The following TBX22 variants were observed in gnomAD, a reference collection of about 807,000 sequenced individuals.
The protein encoded by TBX22 is T-box transcription factor 22.
A neutral mutation model predicts 30.1 loss-of-function variants in TBX22; 8 were observed. The ratio of observed to expected loss-of-function variants is 0.27; its 90% confidence interval spans 0.16 to 0.48. The LOEUF (loss-of-function observed/expected upper bound fraction) is 0.48, where lower values mean the gene tolerates loss of function less well. Ranked by LOEUF, TBX22 falls within the 20% of genes least tolerant of loss-of-function variation. The pLI, the probability that TBX22 is intolerant of heterozygous loss-of-function variation, is 0.99. For missense variants in TBX22, 463 were observed against 400.5 expected (o/e 1.16, Z -1.33); for synonymous variants, 173 against 149.1 (o/e 1.16, Z -1.17).
rs914460249 is a variant in TBX22, at chrX:80,015,561, ATTGTT to A, written c.-3+677_-3+681del. On this transcript the variant is annotated intron_variant, in intron 1 of 8. Transcript: ENST00000373296. ...GGAACATCAAAGTGTGCCAAAAAAG[ATTGTT>A]TTATTTTACTTATTCCTGATTTTTC... is the stretch of plus-strand genomic sequence containing the variant. Among the ~76,000 whole-genome samples the A allele has an allele frequency of 2.0e-4, 22 of 112,367 alleles. 1 individual carries two copies. The East Asian group carries it at 4.2e-3, about 22-fold the overall frequency.
intron 1 of TBX22, among the ~76,000 whole-genome samples, chrX:80,020,075 T>C (rs1193496052): frequency 9.0e-6 from 1 of 111,474 alleles, no homozygotes; most frequent in East Asian, 2.8e-4. Flanking sequence ...AGCAAAGTTG[T>C]CCCTTTCTAT....
intron 1 of TBX22, among the ~76,000 whole-genome samples, chrX:80,021,059 G>T (rs1481001892): frequency 9.1e-6 from 1 of 109,748 alleles, no homozygotes; most frequent in Non-Finnish European, 1.9e-5. Context: ...TTGTAGACAA[G>T]TCTCTTCCTG....
chrX:80,016,175 C>T (rs1336023895), intron 1 of TBX22, among the ~76,000 whole-genome samples: 1 of 112,408 alleles, frequency 8.9e-6, no homozygotes, highest in Non-Finnish European at 1.9e-5. Context: ...CCTTTAGTAC[C>T]TTATTCGCAT....
chrX:80,017,513 A>G (rs1466275269), intron 1 of TBX22, among the ~76,000 whole-genome samples: 1 of 110,777 alleles, frequency 9.0e-6, no homozygotes, highest in Non-Finnish European at 1.9e-5. Context: ...AAGAGACAGG[A>G]TGCATTTATA....
At chrX:80,016,192 G>A (rs1021395671) in intron 1 of TBX22, among the ~76,000 whole-genome samples, 2 of 112,457 alleles carry the variant, frequency 1.8e-5, no homozygotes, top group African/African-American at 6.5e-5. Context: ...GCATGTCCTA[G>A]GAATGATGAG....
In TBX22 at chrX:80,026,843, C is replaced by T. The variant is rs758424012; in HGVS notation, c.773C>T (p.Thr258Ile). ...TFSFKETEFT[T>I]VTAYQNQQIT... ...TCCTTTAAAGAAACTGAGTTCACCA[C>T]AGTAACGGCTTACCAAAACCAACAG... Residue 258 changes from threonine (T) to isoleucine (I), a missense_variant, in exon 6 of 9, where the codon ACA (threonine) becomes ATA (isoleucine). Thr to Ile is a moderately conservative substitution (Grantham distance 89). Coordinates refer to ENST00000373296, the MANE Select transcript of TBX22 (RefSeq NM_001109878.2). 8.3e-7 allele frequency: 1 copy of T among 1,211,847 alleles called. No homozygotes were observed.
rs1249396956 is a variant in TBX22 at position 80,019,390 on chromosome X, G to T, written c.-2-2878G>T. Among the ~76,000 whole-genome samples, 3 of 110,991 alleles carry T rather than the reference G, an allele frequency of 2.7e-5. No homozygotes were observed. In the East Asian group the frequency reaches 8.5e-4, roughly 31 times the overall value. ...AACTATGCCAAAATATCTTAATCAT[G>T]GGGAGTGGGCAATTCAAAACCAACA... On this transcript the variant is annotated intron_variant, in intron 1 of 8. Coordinates refer to ENST00000373296, the MANE Select transcript of TBX22 (RefSeq NM_001109878.2).
intron 2 of TBX22, 27 bp downstream of exon 2, chrX:80,022,471 G>T: frequency 8.6e-7 from 1 of 1,158,900 alleles, no homozygotes; most frequent in Non-Finnish European, 1.2e-6. Context: ...CCCTGAGCCC[G>T]TTGCCTGAGC....
chrX:80,028,081 GA>G lies in TBX22; in HGVS notation c.949+9del. ...CCTTTGGCGCAGACACACAAAGTAAGAAAACTTGGAACGTTTGTTTTATTTT... is the reference window on the plus strand; with the variant it reads ...CCTTTGGCGCAGACACACAAAGTAAGAAACTTGGAACGTTTGTTTTATTTT... On this transcript the variant is annotated splice_donor_region_variant and intron_variant, in intron 8 of 8. Transcript: ENST00000373296. 1.7e-6 allele frequency: 2 copies of G among 1,197,806 alleles called. No individual in the cohort carries two copies. Among genetic ancestry groups the G allele is most frequent in the Non-Finnish European group, 2.3e-6 (2 of 884,291 alleles).
intron 4 of TBX22, 91 bp downstream of exon 4, chrX:80,024,255 A>C: frequency 8.8e-6 from 7 of 794,916 alleles, no homozygotes; most frequent in East Asian, 3.5e-5. Flanking sequence ...TGACTTTGAA[A>C]ACTCTAGCAT....
intron 1 of TBX22, among the ~76,000 whole-genome samples, chrX:80,022,027 TACACACACACACACACACACAC>T (rs200577659): frequency 2.2e-5 from 2 of 92,946 alleles, no homozygotes; most frequent in Non-Finnish European, 2.2e-5. Context: ...ATAAAAAAAT[TACACACACACACACACACACAC>T]ACACACACAC....
chrX:80,030,365 G>A (rs1263111937), intron 8 of TBX22, 133 bp from the exon 9 acceptor site: 3 of 821,971 alleles, frequency 3.6e-6, no homozygotes, highest in Non-Finnish European at 5.3e-6. Context: ...TCTCAAAGAA[G>A]CTAAAAGAAC....
chrX:80,031,400 G>A lies in TBX22; in HGVS notation c.*289G>A. ...CTCCACCAGTGAAAATTGATGCTAA[G>A]TGATGGGATTTTCAATTATACTGAA... On this transcript the variant is annotated 3_prime_UTR_variant, in exon 9 of 9. Transcript: ENST00000373296. 2 of 281,371 alleles carry A rather than the reference G, an allele frequency of 7.1e-6. No individual in the cohort carries two copies. The highest frequency in any genetic ancestry group is 1.2e-5 in the Non-Finnish European group (2 of 160,782). 23.2% of individuals were successfully genotyped at this position (281,371 alleles called of 1,213,427 possible).
intron 1 of TBX22, among the ~76,000 whole-genome samples, chrX:80,015,432 G>A (rs1456129797): frequency 3.6e-5 from 4 of 112,537 alleles, no homozygotes; most frequent in African/African-American, 1.3e-4. Flanking sequence ...TCCCCAAGGA[G>A]CTCTAGATCC....
chrX:80,018,842 T>G (rs186671719), intron 1 of TBX22, among the ~76,000 whole-genome samples: 19 of 112,333 alleles, frequency 1.7e-4, no homozygotes, highest in African/African-American at 4.8e-4. Context: ...GTCATTCAGA[T>G]AGAAAGTAGA....
chrX:80,017,280 T>TTGTTTG (rs1555990862), intron 1 of TBX22, among the ~76,000 whole-genome samples: 953 of 93,955 alleles, frequency 0.01, 13 homozygotes, highest in African/African-American at 0.035. Flanking sequence ...GGTGTTGTTT[T>TTGTTTG]TGTGTGTGTG....
intron 2 of TBX22, chrX:80,022,672 C>A (rs1028249264): frequency 4.7e-5 from 21 of 444,150 alleles, no homozygotes; most frequent in East Asian, 7.5e-5. Flanking sequence ...GTCTCTCCTA[C>A]ATCCTCCTCC....
At chrX:80,022,499 C>T in intron 2 of TBX22, 55 bp downstream of exon 2, 1 of 1,114,291 alleles carries the variant, frequency 9.0e-7, no homozygotes, top group Non-Finnish European at 1.2e-6. Flanking sequence ...TTCCGCATCT[C>T]TCCGCCTGGC....
chrX:80,025,556 C>T (rs1409011163), intron 4 of TBX22, 47 bp from the exon 5 acceptor site: 5 of 1,109,857 alleles, frequency 4.5e-6, no homozygotes, highest in Non-Finnish European at 6.2e-6. Context: ...ACAACAGCTC[C>T]CAGCTTTGGC....
Sources: gnomAD v4.1 joint callset for allele counts (sites outside exome capture counted in the v4.1 genomes callset) on GRCh38, gnomAD v4.1.1 for gene constraint, MANE v1.5 for transcripts, NCBI Gene and HGNC (gene_info 2026-07-23, HGNC 2026-07-21) for gene names.